TAB2: variants seen among roughly 807,000 people sequenced by gnomAD.
TAB2 encodes the protein TGF-beta activated kinase 1 (MAP3K7) binding protein 2.
Under a neutral mutation model 65.0 loss-of-function variants are expected in TAB2, and 3 were observed. The observed-to-expected ratio is 0.05, with a 90% CI of 0.02 to 0.12. The LOEUF (loss-of-function observed/expected upper bound fraction) is 0.12. TAB2 is among the 10% of genes least tolerant of loss of function. The probability of loss-of-function intolerance (pLI) is 1.00; values close to 1 mark genes in which losing one functional copy is unlikely to be tolerated. For synonymous variants in TAB2, 298 were observed against 285.1 expected (o/e 1.05, Z -0.46); for missense variants, 623 against 840.3 (o/e 0.74, Z 3.20).
At chr6:149,357,622 A>G (rs1313155066) in intron 1 of TAB2, among the ~76,000 whole-genome samples, 1 of 152,184 alleles carries the variant, frequency 6.6e-6, no homozygotes, top group Non-Finnish European at 1.5e-5. Flanking sequence ...TGAACTTAAT[A>G]CTTTACAACA....
At chr6:149,293,493 A>G (rs2114696820) in intron 1 of TAB2, among the ~76,000 whole-genome samples, 1 of 152,324 alleles carries the variant, frequency 6.6e-6, no homozygotes, top group East Asian at 1.9e-4. Context: ...CTGGTCTGAG[A>G]TGCAGCTGTC....
chr6:149,389,128 G>A (rs1173865687), intron 3 of TAB2, among the ~76,000 whole-genome samples: 1 of 151,498 alleles, frequency 6.6e-6, no homozygotes, highest in Non-Finnish European at 1.5e-5. Flanking sequence ...GCTAATTTTT[G>A]TATTTTTAGT....
chr6:149,317,368 C>CG (rs908297710), upstream of TAB2, among the ~76,000 whole-genome samples: 1 of 151,586 alleles, frequency 6.6e-6, no homozygotes, highest in Non-Finnish European at 1.5e-5. This position sits in a 1 kb window ranked among gnomAD's most constrained non-coding sequence, Gnocchi z 4.7. Flanking sequence ...CTGCGAGTGT[C>CG]GGGGGAGGGG....
chr6:149,274,755 G>A (rs1424635478), intron 1 of TAB2, among the ~76,000 whole-genome samples: 1 of 152,212 alleles, frequency 6.6e-6, no homozygotes, highest in African/African-American at 2.4e-5. Flanking sequence ...CCTAGGTAGT[G>A]CCTGATGCCA....
chr6:149,397,786 G>C, intron 4 of TAB2, 22 bp downstream of exon 4: 1 of 1,611,802 alleles, frequency 6.2e-7, no homozygotes, highest in Non-Finnish European at 8.5e-7. Flanking sequence ...TGTAACTGTT[G>C]TGATCTCTGC....
In TAB2 at chr6:149,248,550, T is replaced by G. The variant is rs564019692; in HGVS notation, c.-121+29774T>G. Among the ~76,000 whole-genome samples, 42 of 151,776 alleles carry G rather than the reference T, an allele frequency of 2.8e-4. No homozygotes were observed. The South Asian group carries it at 5.0e-3, about 18-fold the overall frequency. ...TACACATTTAGAGTTCAGTGAAAAT[T>G]GTTCACATCTGAGTCTCCCCACTGG... On this transcript the variant is annotated intron_variant, in intron 1 of 1. Coordinates refer to the TAB2 transcript ENST00000606202.
At chr6:149,342,232 C>T (rs933477235) in intron 1 of TAB2, among the ~76,000 whole-genome samples, 17 of 152,110 alleles carry the variant, frequency 1.1e-4, no homozygotes, top group African/African-American at 4.1e-4. Flanking sequence ...TAAGAAACCC[C>T]TGGGAATGGA....
intron 1 of TAB2, among the ~76,000 whole-genome samples, chr6:149,221,624 CACTT>C (rs1777150674): frequency 6.6e-6 from 1 of 152,198 alleles, no homozygotes; most frequent in Admixed American, 6.5e-5. Context: ...CACAGTGAAA[CACTT>C]AACGCACTCT....
chr6:149,276,602 A>C (rs1316279360), intron 1 of TAB2, among the ~76,000 whole-genome samples: 2 of 152,090 alleles, frequency 1.3e-5, no homozygotes, highest in Admixed American at 1.3e-4. Context: ...GTCCAACCTC[A>C]CTCATAAGAG....
At chr6:149,402,804 A>G (rs1394280730) in intron 6 of TAB2, among the ~76,000 whole-genome samples, 8 of 152,232 alleles carry the variant, frequency 5.3e-5, no homozygotes. Context: ...TATCTCTGGG[A>G]CTTAAGGATG....
At chr6:149,249,586 C>G (rs922845256) in intron 1 of TAB2, among the ~76,000 whole-genome samples, 1 of 151,906 alleles carries the variant, frequency 6.6e-6, no homozygotes, top group African/African-American at 2.4e-5. Context: ...CTGTCTCTGT[C>G]TCCCTCTCTC....
intron 1 of TAB2, among the ~76,000 whole-genome samples, chr6:149,357,595 A>G (rs891884786): frequency 6.6e-6 from 1 of 152,188 alleles, no homozygotes; most frequent in East Asian, 1.9e-4. Flanking sequence ...ACATCTGTCC[A>G]TGTCAGTACA....
chr6:149,401,314 A>G (rs1782401976), intron 6 of TAB2: 1 of 166,144 alleles, frequency 6.0e-6, no homozygotes, highest in Non-Finnish European at 1.5e-5. Flanking sequence ...TATACTATCT[A>G]CAAGAGACTC....
In TAB2 at chr6:149,378,860, G is replaced by T; in HGVS notation, c.945G>T (p.Gln315His). The T allele has an allele frequency of 2.5e-6, 4 of 1,614,042 alleles. No homozygotes were observed. Among genetic ancestry groups the T allele is most frequent in the Non-Finnish European group, 3.4e-6 (4 of 1,180,026 alleles). ...CTGCCCATAGCCAATATAACATTCA[G>T]AATATTTCAACAGGACCTCGAAAAA... ...QSSAHSQYNIQNISTGPRKNQ... is the reference protein window; with the variant it reads ...QSSAHSQYNIHNISTGPRKNQ... Residue 315 changes from glutamine to histidine, a missense_variant, in exon 3 of 7, where the codon CAG becomes CAT. Gln to His is a conservative substitution (Grantham distance 24). Around this residue, in one of 3 missense-constraint regions of TAB2, gnomAD observed 550 missense variants for 665.7 expected, o/e 0.83. Coordinates refer to ENST00000637181, the MANE Select transcript of TAB2 (RefSeq NM_001292034.3).
chr6:149,403,244 AAAAAT>A (rs1255086157), intron 6 of TAB2, among the ~76,000 whole-genome samples: 613 of 49,796 alleles, frequency 0.012, 3 homozygotes, highest in African/African-American at 0.049. Context: ...TAAAAAAAAA[AAAAAT>A]ATATATATAT....
chr6:149,249,620 GTCTGTGTGTGTCTCTCCA>G (rs1394428040), intron 1 of TAB2, among the ~76,000 whole-genome samples: 69 of 151,562 alleles, frequency 4.6e-4, no homozygotes, highest in Middle Eastern at 3.4e-3. Context: ...GTATGTCTCT[GTCTGTGTGTGTCTCTCCA>G]TCTGTGTGTG....
chr6:149,240,306 C>T (rs1203551542), intron 1 of TAB2, among the ~76,000 whole-genome samples: 1 of 152,052 alleles, frequency 6.6e-6, no homozygotes, highest in East Asian at 1.9e-4. Flanking sequence ...TCTGAATGTC[C>T]CTCTGCCAGA....
intron 1 of TAB2, among the ~76,000 whole-genome samples, chr6:149,364,292 C>G (rs1234955658): frequency 6.6e-6 from 1 of 152,112 alleles, no homozygotes; most frequent in African/African-American, 2.4e-5. Flanking sequence ...GATAAAATCC[C>G]CAAATGTTAA....
chr6:149,377,347 A>T (rs1453080415), intron 2 of TAB2, among the ~76,000 whole-genome samples: 1 of 151,560 alleles, frequency 6.6e-6, no homozygotes, highest in Non-Finnish European at 1.5e-5. Context: ...GCGTAAAAAC[A>T]ATCTGAGGTT....
Sources: allele counts gnomAD v4.1 joint callset (sites outside exome capture counted in the v4.1 genomes callset), GRCh38; gene constraint gnomAD v4.1.1; regional missense constraint gnomAD v4.1.1; non-coding constraint Gnocchi (gnomAD v3.1); transcripts MANE v1.5; gene names NCBI Gene and HGNC (gene_info 2026-07-23, HGNC 2026-07-21).